LTBP4: variants seen among roughly 807,000 people sequenced by gnomAD.
LTBP4 encodes latent transforming growth factor beta binding protein 4.
LTBP4 carries 93 observed loss-of-function variants against 180.2 expected under a neutral mutation model. The observed-to-expected ratio is 0.52, with a 90% CI of 0.44 to 0.61. LTBP4 has a LOEUF of 0.61. Among genes scored for constraint, LTBP4 ranks in the 20% least tolerant of loss-of-function variants. The probability of loss-of-function intolerance (pLI) is 0.00; values close to 1 mark genes in which losing one functional copy is unlikely to be tolerated. For missense variants in LTBP4, 2,116 were observed against 2,256.5 expected (o/e 0.94, Z 1.26); for synonymous variants, 947 against 934.5 (o/e 1.01, Z -0.24).
rs1426269037 is a variant in LTBP4 at position 40,609,986 on chromosome 19, G to T, written c.1684+115G>T. On this transcript the variant is annotated intron_variant, in intron 11 of 29. Transcript: ENST00000396819. The surrounding 1 kb of genome is among the most constrained non-coding windows in gnomAD (Gnocchi z 4.9). Reference sequence around the variant, plus strand: ...CCCTCTCGGGTCCCGCCCCAGGACTGCTCTGCCCTGGCCCTTGGCCCTGCC... The same window carrying T: ...CCCTCTCGGGTCCCGCCCCAGGACTTCTCTGCCCTGGCCCTTGGCCCTGCC... 1 of 1,376,378 alleles carries T rather than the reference G, an allele frequency of 7.3e-7. No homozygotes were observed. Among genetic ancestry groups the T allele is most frequent in the East Asian group, 2.5e-5 (1 of 39,456 alleles). The allele number at this position is 1,376,378 out of a possible 1,614,324, so 85.3% of individuals were successfully genotyped here.
chr19:40,599,596 G>A (rs1474537126), upstream of LTBP4: 1 of 1,582,226 alleles, frequency 6.3e-7, no homozygotes, highest in Admixed American at 1.7e-5. Context: ...CCTCCCTCAG[G>A]AACTCCTAGC....
At chr19:40,602,943 T>C (rs976942877) in intron 1 of LTBP4, among the ~76,000 whole-genome samples, 2 of 152,046 alleles carry the variant, frequency 1.3e-5, no homozygotes, top group Non-Finnish European at 2.9e-5. Flanking sequence ...TTTTGATTCC[T>C]AGTTAAGCCT....
At position 40,613,197 on chromosome 19, in the gene LTBP4, G is replaced by A. The variant is rs1283013520; in HGVS notation, c.2431+1G>A. 2 of 1,564,962 alleles carry A rather than the reference G, an allele frequency of 1.3e-6. No homozygotes were observed. Among genetic ancestry groups the A allele is most frequent in the Admixed American group, 3.8e-5 (2 of 52,588 alleles). ...TCGGGTCGGCCCGGGCCCTGCGCAG[G>A]TGAGCAGCATAGGGACCCGCCAGAG... is the stretch of plus-strand genomic sequence containing the variant. On this transcript the variant is annotated splice_donor_variant, in intron 16 of 29. Coordinates refer to ENST00000396819, the MANE Select transcript of LTBP4 (RefSeq NM_001042545.2). LOFTEE classifies it high-confidence loss of function. The surrounding 1 kb of genome is among the most constrained non-coding windows in gnomAD (Gnocchi z 5.0).
intron 21 of LTBP4, among the ~76,000 whole-genome samples, chr19:40,618,161 T>A (rs527397526): frequency 6.6e-6 from 1 of 152,080 alleles, no homozygotes; most frequent in Non-Finnish European, 1.5e-5. Flanking sequence ...ACTCCTGGGC[T>A]CAAGCCATCC....
At chr19:40,621,427 A>G (rs1239653708) in intron 22 of LTBP4, among the ~76,000 whole-genome samples, 2 of 152,222 alleles carry the variant, frequency 1.3e-5, no homozygotes, top group African/African-American at 4.8e-5. Flanking sequence ...CTCCAGCTGC[A>G]TCCATGTTGC....
rs759735159 is a variant in LTBP4 at position 40,607,543 on chromosome 19, G to A, written c.1156+14G>A. The A allele has an allele frequency of 2.9e-5, 46 of 1,599,878 alleles. No homozygotes were observed. In the African/African-American group the frequency reaches 5.2e-4, roughly 18 times the overall value. On this transcript the variant is annotated intron_variant, in intron 7 of 29. Transcript: ENST00000396819. ...CCTTCGGCTCAGGTGAGCCCCTGCG[G>A]CAGTGCCTAGCCCTACGCGCAACAC...
chr19:40,613,323 G>A lies in LTBP4; in HGVS notation c.2432-81G>A, dbSNP rs527974252. 1.9e-4 allele frequency: 290 copies of A among 1,554,058 alleles called. No homozygotes were observed. Among genetic ancestry groups the A allele is most frequent in the Non-Finnish European group, 2.1e-4 (247 of 1,149,226 alleles). On this transcript the variant is annotated intron_variant, in intron 16 of 29. Coordinates refer to ENST00000396819, the MANE Select transcript of LTBP4 (RefSeq NM_001042545.2). The surrounding 1 kb of genome is among the most constrained non-coding windows in gnomAD (Gnocchi z 5.0). ...GAGCTTAGAAACCTGGCATTGGTGGGGGCGGGGTTACTGCGATGTGGGCGG... is the reference window on the plus strand; with the variant it reads ...GAGCTTAGAAACCTGGCATTGGTGGAGGCGGGGTTACTGCGATGTGGGCGG...
Position 40,623,964 on chromosome 19 carries a change from G to A in LTBP4, c.3714G>A (p.Pro1238=), listed in dbSNP as rs1410553343. 2.5e-6 allele frequency: 4 copies of A among 1,613,896 alleles called. No individual in the cohort carries two copies. Among genetic ancestry groups the A allele is most frequent in the Non-Finnish European group, 3.4e-6 (4 of 1,179,850 alleles). The change falls in exon 26 of 30, where the codon CCG becomes CCA. Residue 1238 remains proline (P), a synonymous_variant. Transcript: ENST00000396819. Reference sequence around the variant, plus strand: ...ATGACGAGTGCGCCGATGAGGAACCGGCCTGTGAGGGCGGCCGCTGTGTCA... The same window carrying A: ...ATGACGAGTGCGCCGATGAGGAACCAGCCTGTGAGGGCGGCCGCTGTGTCA... The part of the protein sequence containing the change: ...IDNDECADEE[P]ACEGGRCVNT...
chr19:40,606,595 G>T, intron 6 of LTBP4, 69 bp downstream of exon 6: 1 of 1,518,522 alleles, frequency 6.6e-7, no homozygotes, highest in Non-Finnish European at 8.9e-7. Flanking sequence ...AGAGCATCCT[G>T]GGGCCTTTAA....
chr19:40,610,506 C>G (rs777813054), intron 11 of LTBP4, 26 bp from the exon 12 acceptor site: 13 of 1,577,552 alleles, frequency 8.2e-6, no homozygotes, highest in South Asian at 1.1e-5. Flanking sequence ...CTGCCCCAGT[C>G]CCAGCCGCCT....
At position 40,609,753 on chromosome 19, in the gene LTBP4, C is replaced by G; in HGVS notation, c.1566C>G (p.Asp522Glu). 6.2e-7 allele frequency: 1 copy of G among 1,612,110 alleles called. No individual in the cohort carries two copies. The highest frequency in any genetic ancestry group is 8.5e-7 in the Non-Finnish European group (1 of 1,178,934). ...CCCCCTCCGTGTCCTCAGATGTGGA[C>G]GAATGTCGCCGCGTGCCCCCGCCCT... ...SPQGTRCIDV[D>E]ECRRVPPPCA... The change falls in exon 11 of 30, where the codon GAC becomes GAG. Residue 522 changes from aspartate to glutamate, a missense_variant. Physicochemically the swap from Asp to Glu is conservative, Grantham distance 45 (BLOSUM62 2). Around this residue, in one of 5 missense-constraint regions of LTBP4, gnomAD observed 877 missense variants for 873.6 expected, o/e 1.00. Transcript: ENST00000396819. The surrounding 1 kb of genome is among the most constrained non-coding windows in gnomAD (Gnocchi z 4.9).
rs931278267 is a variant in LTBP4, at chr19:40,624,007, C to T, written c.3757C>T (p.His1253Tyr). ...CTGTGTCAACACTGTGGGCTCTTAT[C>T]ACTGTACCTGCGAGCCCCCACTGGT... ...GRCVNTVGSY[H>Y]CTCEPPLVLD... The change falls in exon 26 of 30, where the codon CAC becomes TAC. Residue 1253 changes from histidine to tyrosine, a missense_variant. Coordinates refer to ENST00000396819, the MANE Select transcript of LTBP4 (RefSeq NM_001042545.2). 1.9e-6 allele frequency: 3 copies of T among 1,612,406 alleles called. No individual in the cohort carries two copies. The highest frequency in any genetic ancestry group is 2.7e-5 in the African/African-American group (2 of 74,916).
upstream of LTBP4, among the ~76,000 whole-genome samples, chr19:40,600,749 C>T (rs2081417663): frequency 6.6e-6 from 1 of 152,192 alleles, no homozygotes; most frequent in African/African-American, 2.4e-5. The surrounding 1 kb of genome is among the most constrained non-coding windows in gnomAD (Gnocchi z 4.4). Context: ...TACCCCCGCC[C>T]ACAGCCTCCC....
At chr19:40,610,971 G>C in intron 12 of LTBP4, 181 bp from the exon 13 acceptor site, 1 of 882,770 alleles carries the variant, frequency 1.1e-6, no homozygotes, top group Non-Finnish European at 1.7e-6. Context: ...GGGGACTACA[G>C]AGACAGAACC....
chr19:40,599,882 A>G (rs1029807024), upstream of LTBP4: 3 of 470,054 alleles, frequency 6.4e-6, no homozygotes, highest in Admixed American at 7.7e-5. Flanking sequence ...CCCAACCCCC[A>G]TCATCTCTCT....
intron 19 of LTBP4, among the ~76,000 whole-genome samples, chr19:40,616,531 G>A (rs903964556): frequency 6.6e-6 from 1 of 152,026 alleles, no homozygotes; most frequent in African/African-American, 2.4e-5. Flanking sequence ...TCAGGAGTTC[G>A]AGACCATTCT....
chr19:40,602,693 G>C (rs2081433075), intron 1 of LTBP4, among the ~76,000 whole-genome samples: 1 of 152,186 alleles, frequency 6.6e-6, no homozygotes, highest in African/African-American at 2.4e-5. Flanking sequence ...ATGTGAAGTG[G>C]GGGCTGACCT....
chr19:40,598,194 T>G (rs543660594), upstream of LTBP4, among the ~76,000 whole-genome samples: 1 of 145,940 alleles, frequency 6.9e-6, no homozygotes, highest in East Asian at 2.2e-4. Flanking sequence ...TCTCTGCGAA[T>G]GCGTTTAGTA....
In LTBP4 at chr19:40,619,406, G is replaced by A. The variant is rs376495657; in HGVS notation, c.3130G>A (p.Glu1044Lys). 12 of 1,613,730 alleles carry A rather than the reference G, an allele frequency of 7.4e-6. No individual in the cohort carries two copies. Among genetic ancestry groups the A allele is most frequent in the East Asian group, 4.5e-5 (2 of 44,884 alleles). Reference protein sequence around the residue: ...VCGAALCENVEGSFLCVCPNS... With the variant: ...VCGAALCENVKGSFLCVCPNS... ...TGGAGCTGCCCTGTGTGAAAATGTC[G>A]AAGGCTCCTTCCTCTGTGTCTGCCC... The change falls in exon 22 of 30, where the codon GAA (glutamate) becomes AAA (lysine). Residue 1044 changes from glutamate to lysine, a missense_variant. Coordinates refer to ENST00000396819, the MANE Select transcript of LTBP4 (RefSeq NM_001042545.2).
Sources: gnomAD v4.1 joint callset for allele counts (sites outside exome capture counted in the v4.1 genomes callset) on GRCh38, gnomAD v4.1.1 for gene constraint, gnomAD v4.1.1 regional missense constraint, Gnocchi (gnomAD v3.1) non-coding constraint, MANE v1.5 for transcripts, NCBI Gene and HGNC (gene_info 2026-07-23, HGNC 2026-07-21) for gene names.